Variants in TMTC2 observed in about 807,000 individuals in gnomAD.
The protein encoded by TMTC2 is protein O-mannosyl-transferase TMTC2.
Under a neutral mutation model 82.4 loss-of-function variants are expected in TMTC2, and 43 were observed. That is an observed-to-expected ratio of 0.52 (90% CI 0.41 to 0.67). TMTC2 has a LOEUF of 0.67. TMTC2 is among the 30% of genes least tolerant of loss of function. TMTC2 has a pLI of 0.00. For missense variants in TMTC2, 919 were observed against 1,012.4 expected (o/e 0.91, Z 1.25); for synonymous variants, 408 against 381.9 (o/e 1.07, Z -0.80).
intron 1 of TMTC2, among the ~76,000 whole-genome samples, chr12:82,772,723 CT>C (rs1219114733): frequency 1.3e-5 from 2 of 151,956 alleles, no homozygotes. Flanking sequence ...AAATTTAATT[CT>C]TTTTTTTCCC....
chr12:83,053,707 A>G (rs1882434752), intron 10 of TMTC2, among the ~76,000 whole-genome samples: 1 of 152,092 alleles, frequency 6.6e-6, no homozygotes, highest in South Asian at 2.1e-4. Flanking sequence ...AAATGGACAA[A>G]GATCTTTCTC....
Position 82,758,601 on chromosome 12 carries a change from A to G in TMTC2, c.83+70932A>G, listed in dbSNP as rs12298525. 638 of 152,284 alleles carry G rather than the reference A, an allele frequency of 4.2e-3. 4 individuals are homozygous for G. The highest frequency in any genetic ancestry group is 0.015 in the African/African-American group (605 of 41,554). 9.4% of individuals were successfully genotyped at this position (152,284 alleles called of 1,614,324 possible). ...TATAAATTTTGTAAAATTATTCACA[A>G]AAGCACTTATTTTGTAAGTGTAGTG... On this transcript the variant is annotated intron_variant, in intron 1 of 11. Transcript: ENST00000321196.
chr12:82,775,348 G>A (rs764180016), intron 1 of TMTC2, among the ~76,000 whole-genome samples: 2 of 151,930 alleles, frequency 1.3e-5, no homozygotes, highest in Non-Finnish European at 2.9e-5. Flanking sequence ...TATTCGGGAG[G>A]CTAAGGTGGG....
intron 8 of TMTC2, among the ~76,000 whole-genome samples, chr12:83,010,387 G>C (rs1485331030): frequency 6.6e-6 from 1 of 152,152 alleles, no homozygotes; most frequent in Non-Finnish European, 1.5e-5. Flanking sequence ...TCTGATCAGT[G>C]AGACGCCAGA....
intron 1 of TMTC2, chr12:82,760,824 T>C (rs1243075796): frequency 2.4e-6 from 1 of 412,700 alleles, no homozygotes; most frequent in African/African-American, 2.1e-5. Context: ...ATACTTGTTA[T>C]GAAAATCTAA....
intron 1 of TMTC2, among the ~76,000 whole-genome samples, chr12:82,707,214 G>T (rs1023129927): frequency 6.6e-6 from 1 of 152,188 alleles, no homozygotes; most frequent in Non-Finnish European, 1.5e-5. Flanking sequence ...GTTCAAAGTG[G>T]CTTTCTTTTT....
chr12:82,985,136 G>A (rs1225686395), intron 7 of TMTC2, among the ~76,000 whole-genome samples: 8 of 152,068 alleles, frequency 5.3e-5, no homozygotes, highest in East Asian at 1.9e-4. Context: ...AGGGCTCACC[G>A]TAGCCTTGAT....
chr12:82,701,576 A>G (rs2136899356), intron 1 of TMTC2, among the ~76,000 whole-genome samples: 1 of 144,610 alleles, frequency 6.9e-6, no homozygotes, highest in East Asian at 2.2e-4. Context: ...ACATGGAGAA[A>G]CCCCGTCTTT....
intron 1 of TMTC2, among the ~76,000 whole-genome samples, chr12:82,691,665 GTTAAC>G (rs900554643): frequency 2.0e-5 from 3 of 152,004 alleles, no homozygotes; most frequent in African/African-American, 4.8e-5. Context: ...TAATCACTCT[GTTAAC>G]TTATCTTTAA....
chr12:82,967,467 T>G (rs917286255), intron 7 of TMTC2, among the ~76,000 whole-genome samples: 2 of 152,120 alleles, frequency 1.3e-5, no homozygotes, highest in African/African-American at 4.8e-5. Context: ...CTATGTTTTA[T>G]GTTGAAAAAT....
chr12:82,899,631 TGTG>T (rs1873869266), intron 3 of TMTC2, among the ~76,000 whole-genome samples: 1 of 127,094 alleles, frequency 7.9e-6, no homozygotes, highest in African/African-American at 4.0e-5. Context: ...AATATATATA[TGTG>T]GAATATATAT....
chr12:82,841,662 A>G (rs543652453), intron 1 of TMTC2, among the ~76,000 whole-genome samples: 1 of 152,310 alleles, frequency 6.6e-6, no homozygotes, highest in Admixed American at 6.5e-5. Context: ...GTGTGTTGCT[A>G]CAATATGTTC....
intron 4 of TMTC2, among the ~76,000 whole-genome samples, chr12:82,956,004 G>A (rs1170450204): frequency 1.3e-5 from 2 of 151,686 alleles, no homozygotes; most frequent in Non-Finnish European, 2.9e-5. Context: ...TAATTTTCAG[G>A]CAACTCCGTA....
intron 1 of TMTC2, among the ~76,000 whole-genome samples, chr12:82,767,311 A>C (rs1877024112): frequency 6.6e-6 from 1 of 152,230 alleles, no homozygotes; most frequent in Non-Finnish European, 1.5e-5. Flanking sequence ...ATGAATGGGC[A>C]CTGTGGCTTA....
chr12:83,075,700 G>A (rs1016621772), intron 11 of TMTC2, among the ~76,000 whole-genome samples: 2 of 152,134 alleles, frequency 1.3e-5, no homozygotes, highest in Non-Finnish European at 2.9e-5. Flanking sequence ...CCTAATTCCA[G>A]CAAGATAGAT....
intron 1 of TMTC2, among the ~76,000 whole-genome samples, chr12:82,750,724 T>G (rs936890450): frequency 2.5e-4 from 38 of 152,270 alleles, no homozygotes; most frequent in Admixed American, 1.3e-3. Context: ...TAGGTATTAT[T>G]TTTCTAATTC....
chr12:82,767,754 A>G lies in TMTC2; in HGVS notation c.83+80085A>G, dbSNP rs145225412. Among the ~76,000 whole-genome samples, 222 of 152,022 alleles carry G rather than the reference A, an allele frequency of 1.5e-3. 6 individuals are homozygous for G. In the East Asian group the frequency reaches 0.016, roughly 11 times the overall value. ...GTACACAGGAAGTTTGTTTTCTACG[A>G]TTGGTTCTATTGTTTATTTCTTCTT... On this transcript the variant is annotated intron_variant, in intron 1 of 11. Transcript: ENST00000321196.
At chr12:83,076,631 C>T (rs1345181934) in intron 11 of TMTC2, among the ~76,000 whole-genome samples, 2 of 152,210 alleles carry the variant, frequency 1.3e-5, no homozygotes, top group Non-Finnish European at 2.9e-5. Flanking sequence ...CATCGCCGGT[C>T]ACCACATTTC....
chr12:83,124,236 A>G (rs76001676), intron 11 of TMTC2, among the ~76,000 whole-genome samples: 2,142 of 152,344 alleles, frequency 0.014, 26 homozygotes, highest in Non-Finnish European at 0.023. Flanking sequence ...CCGAGCACAT[A>G]TAATAAGTGG....
Sources: gnomAD v4.1 joint callset for allele counts (sites outside exome capture counted in the v4.1 genomes callset) on GRCh38, gnomAD v4.1.1 for gene constraint, MANE v1.5 for transcripts, NCBI Gene and HGNC (gene_info 2026-07-23, HGNC 2026-07-21) for gene names.